Variants in RPTOR observed in about 807,000 individuals in gnomAD.
The protein encoded by RPTOR is regulatory associated protein of MTOR complex 1, also known as regulatory-associated protein of mTOR.
Under a neutral mutation model 169.9 loss-of-function variants are expected in RPTOR, and 21 were observed. That is an observed-to-expected ratio of 0.12 (90% CI 0.09 to 0.18). The LOEUF (loss-of-function observed/expected upper bound fraction) is 0.18. Ranked by LOEUF, RPTOR falls within the 10% of genes least tolerant of loss-of-function variation. The probability of loss-of-function intolerance (pLI) is 1.00; values close to 1 mark genes in which losing one functional copy is unlikely to be tolerated. For missense variants in RPTOR, 1,133 were observed against 1,855.9 expected (o/e 0.61, Z 7.16); for synonymous variants, 732 against 753.2 (o/e 0.97, Z 0.46).
At chr17:80,653,973 A>G (rs748884216) in intron 3 of RPTOR, among the ~76,000 whole-genome samples, 3 of 152,180 alleles carry the variant, frequency 2.0e-5, no homozygotes, top group African/African-American at 4.8e-5. Context: ...AGAGTGTTTG[A>G]TGCTTCCCTG....
chr17:80,891,912 C>T, intron 18 of RPTOR, 75 bp downstream of exon 18: 2 of 1,005,444 alleles, frequency 2.0e-6, no homozygotes, highest in Non-Finnish European at 3.1e-6. Flanking sequence ...CCCAGTCTTG[C>T]TCACCCTCGC....
At chr17:80,879,689 G>A (rs959578147) in intron 13 of RPTOR, among the ~76,000 whole-genome samples, 6 of 152,190 alleles carry the variant, frequency 3.9e-5, no homozygotes, top group African/African-American at 1.2e-4. Flanking sequence ...AGGCCCTCAC[G>A]ACTGTGCCGA....
chr17:80,921,324 C>T lies in RPTOR; in HGVS notation c.2521-1400C>T, dbSNP rs2068742235. 3.3e-5 allele frequency among the ~76,000 whole-genome samples: 5 copies of T among 152,236 alleles called. No homozygotes were observed. The South Asian group carries it at 1.0e-3, about 32-fold the overall frequency. On this transcript the variant is annotated intron_variant, in intron 21 of 33. Transcript: ENST00000306801. ...GGCACCTTCATGGAGCAGCTGGCCC[C>T]ATCCTCCTGACACAGATGAGGTTGC...
chr17:80,698,908 G>A (rs1448750495), intron 3 of RPTOR, among the ~76,000 whole-genome samples: 1 of 152,226 alleles, frequency 6.6e-6, no homozygotes, highest in Admixed American at 6.5e-5. Context: ...TGGCCAGGAA[G>A]CGCCAGCTTG....
chr17:80,700,730 A>T (rs202224654), intron 3 of RPTOR, among the ~76,000 whole-genome samples: 1 of 2,566 alleles, frequency 3.9e-4, no homozygotes, highest in African/African-American at 2.2e-3. Flanking sequence ...GGTGGTGGTG[A>T]TGATGGTGGT....
intron 1 of RPTOR, among the ~76,000 whole-genome samples, chr17:80,607,818 T>G (rs535302087): frequency 6.6e-6 from 1 of 152,128 alleles, no homozygotes; most frequent in African/African-American, 2.4e-5. Context: ...TTTTTTAAAG[T>G]TAATTAAACC....
intron 7 of RPTOR, among the ~76,000 whole-genome samples, chr17:80,811,921 A>G (rs986341532): frequency 6.7e-6 from 1 of 149,230 alleles, no homozygotes; most frequent in East Asian, 2.0e-4. Flanking sequence ...CCCACAGGAC[A>G]CAGCCACGCC....
chr17:80,560,775 GTGTTCGTTT>G (rs2084475224), intron 1 of RPTOR, among the ~76,000 whole-genome samples: 1 of 152,168 alleles, frequency 6.6e-6, no homozygotes, highest in Non-Finnish European at 1.5e-5. Flanking sequence ...ACTTGGCTAC[GTGTTCGTTT>G]TGTCTCCCCA....
chr17:80,602,376 AC>A (rs71163977), intron 1 of RPTOR, among the ~76,000 whole-genome samples: 1 of 65,812 alleles, frequency 1.5e-5, no homozygotes, highest in Non-Finnish European at 2.9e-5. Flanking sequence ...AGGGGGGCTG[AC>A]CCCCCCACCT....
intron 1 of RPTOR, among the ~76,000 whole-genome samples, chr17:80,574,774 G>A: frequency 6.6e-6 from 1 of 150,960 alleles, no homozygotes; most frequent in Admixed American, 6.6e-5. Context: ...TCCCCGCTTA[G>A]CCTCCCAAGT....
intron 11 of RPTOR, among the ~76,000 whole-genome samples, chr17:80,847,208 C>T (rs763536165): frequency 1.3e-5 from 2 of 152,246 alleles, no homozygotes; most frequent in Non-Finnish European, 2.9e-5. Context: ...CTTCAGATGC[C>T]AGTGCCCACG....
rs79041284 is a variant in RPTOR at position 80,798,340 on chromosome 17, C to T, written c.890+6831C>T. 3.5e-3 allele frequency among the ~76,000 whole-genome samples: 532 copies of T among 152,330 alleles called. 4 individuals carry two copies. Among genetic ancestry groups the T allele is most frequent in the African/African-American group, 0.012 (503 of 41,560 alleles). The stretch of plus-strand genomic sequence containing the variant: ...CACCACGGTTAGGGCACCCATGCGT[C>T]ACAGCATGTGGCCAGCAGGGCCACG... On this transcript the variant is annotated intron_variant, in intron 7 of 33. Coordinates refer to ENST00000306801, the MANE Select transcript of RPTOR (RefSeq NM_020761.3).
At chr17:80,862,688 C>T (rs1404278144) in intron 13 of RPTOR, among the ~76,000 whole-genome samples, 2 of 151,960 alleles carry the variant, frequency 1.3e-5, no homozygotes, top group South Asian at 2.1e-4. Context: ...TGCTCCGCCC[C>T]CTCCTCGTGT....
chr17:80,656,770 GC>G (rs1272483586), intron 3 of RPTOR, among the ~76,000 whole-genome samples: 2 of 152,194 alleles, frequency 1.3e-5, no homozygotes, highest in Non-Finnish European at 2.9e-5. Flanking sequence ...GAAAGACTTT[GC>G]ATGGGGCCCA....
chr17:80,555,847 C>G (rs2084400785), intron 1 of RPTOR, among the ~76,000 whole-genome samples: 1 of 151,818 alleles, frequency 6.6e-6, no homozygotes, highest in Admixed American at 6.6e-5. Context: ...TTTTGAAATA[C>G]CTTATTGGCT....
chr17:80,920,573 G>A (rs1009727101), intron 21 of RPTOR, among the ~76,000 whole-genome samples: 2 of 152,240 alleles, frequency 1.3e-5, no homozygotes, highest in African/African-American at 2.4e-5. Context: ...TCGTCACCAC[G>A]GCTCCATGCG....
intron 4 of RPTOR, among the ~76,000 whole-genome samples, chr17:80,713,215 C>T (rs1249379561): frequency 6.6e-6 from 1 of 152,132 alleles, no homozygotes; most frequent in Non-Finnish European, 1.5e-5. Context: ...ATTACAGGCA[C>T]CCGCCTCCAC....
intron 20 of RPTOR, among the ~76,000 whole-genome samples, chr17:80,905,677 G>C (rs1450870214): frequency 6.6e-6 from 1 of 152,160 alleles, no homozygotes; most frequent in Non-Finnish European, 1.5e-5. Context: ...ACATTGCCAG[G>C]GTCCTTACCT....
In RPTOR at chr17:80,633,908, C is replaced by T. The variant is rs2065460833; in HGVS notation, c.265+8115C>T. On this transcript the variant is annotated intron_variant, in intron 2 of 33. Transcript: ENST00000306801. This position sits in a 1 kb window ranked among gnomAD's most constrained non-coding sequence, Gnocchi z 4.1. ...GCATCATTCGTGGAGCATGTGCTTA[C>T]TTTGTCTCATCTAGTCTTTTTCCCA... Among the ~76,000 whole-genome samples the T allele has an allele frequency of 6.6e-6, 1 of 152,180 alleles. No individual in the cohort carries two copies. Among genetic ancestry groups the T allele is most frequent in the East Asian group, 1.9e-4 (1 of 5,196 alleles).
Sources: allele counts gnomAD v4.1 joint callset (sites outside exome capture counted in the v4.1 genomes callset), GRCh38; gene constraint gnomAD v4.1.1; non-coding constraint Gnocchi (gnomAD v3.1); transcripts MANE v1.5; gene names NCBI Gene and HGNC (gene_info 2026-07-23, HGNC 2026-07-21).